Variants in ZNF469 observed in about 807,000 individuals in gnomAD.
ZNF469 encodes zinc finger protein 469.
ZNF469 carries 1 observed loss-of-function variant against 1.0 expected under a neutral mutation model. The observed-to-expected ratio is 1.00, with a 90% confidence interval of 0.35 to 4.73. The LOEUF (loss-of-function observed/expected upper bound fraction) is 4.73. ZNF469 is among the 30% of genes most tolerant of loss of function. ZNF469 has a pLI of 0.16. For synonymous variants in ZNF469, 2,703 were observed against 2,363.4 expected (o/e 1.14, Z -4.17); for missense variants, 6,100 against 5,356.3 (o/e 1.14, Z -4.33).
Position 88,430,401 on chromosome 16 carries a change from C to T in ZNF469, c.2931C>T (p.Gly977=), listed in dbSNP as rs539527724. 799 of 1,520,578 alleles carry T rather than the reference C, an allele frequency of 5.3e-4. 6 individuals are homozygous for T. The African/African-American group carries it at 8.8e-3, about 17-fold the overall frequency. 94.2% of individuals were successfully genotyped at this position (1,520,578 alleles called of 1,614,324 possible). ...CGGGCGGCGGCGGCAGAGCCTCCGG[C>T]CTGAGGCCCCGGAGGAACGACGGTC... is the stretch of plus-strand genomic sequence containing the variant. ...SGSGGGGRAS[G]LRPRRNDGLG... The change falls in exon 3 of 3, where the codon GGC becomes GGT. Residue 977 remains glycine (G), a synonymous_variant. Coordinates refer to ENST00000565624, the MANE Select transcript of ZNF469 (RefSeq NM_001367624.2).
At chr16:88,273,994 G>A in the ZNF469 span, among the ~76,000 whole-genome samples, 43,653 of 151,818 alleles carry the variant, frequency 0.29, 6,939 homozygotes, top group Middle Eastern at 0.36. Flanking sequence ...TAGTAGAGAC[G>A]GGGTTTCACC....
Position 88,436,392 on chromosome 16 carries a change from G to T in ZNF469, c.8922G>T (p.Leu2974=). ...GCAGGGAAGCTGGTGCAGAGAAGCT[G>T]CCCTCCCACTGCCCCGAGGACGATC... ...EPSREAGAEK[L]PSHCPEDDRP... is the part of the protein sequence containing the mutation. Residue 2974 remains leucine, a synonymous_variant, in exon 3 of 3, where the codon CTG becomes CTT. Coordinates refer to ENST00000565624, the MANE Select transcript of ZNF469 (RefSeq NM_001367624.2). The T allele has an allele frequency of 6.5e-7, 1 of 1,549,932 alleles. No homozygotes were observed.
chr16:88,280,415 C>A, the ZNF469 span, among the ~76,000 whole-genome samples: 2 of 151,994 alleles, frequency 1.3e-5, no homozygotes, highest in Non-Finnish European at 2.9e-5. Flanking sequence ...TAGTCAGTAC[C>A]TTGCACAGGT....
the ZNF469 span, among the ~76,000 whole-genome samples, chr16:88,355,120 C>G: frequency 6.6e-6 from 1 of 152,180 alleles, no homozygotes; most frequent in African/African-American, 2.4e-5. Context: ...GGGCAGAACA[C>G]TGGGCACCTG....
At position 88,439,592 on chromosome 16, in the gene ZNF469, T is replaced by A. The variant is rs1906860711; in HGVS notation, c.*260T>A. The A allele has an allele frequency of 1.9e-6, 1 of 516,192 alleles. No homozygotes were observed. The highest frequency in any genetic ancestry group is 2.1e-5 in the South Asian group (1 of 48,532). The allele number at this position is 516,192 out of a possible 1,614,324, so 32.0% of individuals were successfully genotyped here. On this transcript the variant is annotated 3_prime_UTR_variant, in exon 3 of 3. Coordinates refer to ENST00000565624, the MANE Select transcript of ZNF469 (RefSeq NM_001367624.2). Reference sequence around the variant, plus strand: ...TGAGACCACACAGCTGTTTTCTTGGTACCAAGTACTTGAAGAGACAGCAGC... The same window carrying A: ...TGAGACCACACAGCTGTTTTCTTGGAACCAAGTACTTGAAGAGACAGCAGC...
At chr16:88,332,864 C>T in the ZNF469 span, among the ~76,000 whole-genome samples, 4 of 152,352 alleles carry the variant, frequency 2.6e-5, no homozygotes, top group Admixed American at 2.6e-4. Flanking sequence ...AAGACCAAGG[C>T]CCCGGGTTGC....
the ZNF469 span, among the ~76,000 whole-genome samples, chr16:88,282,746 G>C: frequency 0.24 from 36,221 of 152,092 alleles, 5,035 homozygotes; most frequent in East Asian, 0.43. Flanking sequence ...ACCCGTAAAG[G>C]GTCATCCCTG....
At chr16:88,299,768 C>T in the ZNF469 span, among the ~76,000 whole-genome samples, 1 of 152,224 alleles carries the variant, frequency 6.6e-6, no homozygotes, top group Admixed American at 6.5e-5. Context: ...CTCTCATCCA[C>T]TTCCCTGGGC....
the ZNF469 span, among the ~76,000 whole-genome samples, chr16:88,132,412 GCGC>G: frequency 6.3e-5 from 9 of 141,822 alleles, no homozygotes; most frequent in Non-Finnish European, 1.3e-4. Flanking sequence ...CCCACCCAGA[GCGC>G]CGCGTAGCCG....
the ZNF469 span, among the ~76,000 whole-genome samples, chr16:88,241,588 G>A: frequency 6.6e-6 from 1 of 152,110 alleles, no homozygotes; most frequent in East Asian, 1.9e-4. The surrounding 1 kb of genome is among the most constrained non-coding windows in gnomAD (Gnocchi z 4.8). Flanking sequence ...GACAGGCTCA[G>A]GGTCCTGGCA....
At chr16:88,118,179 G>T in the ZNF469 span, among the ~76,000 whole-genome samples, 1 of 152,228 alleles carries the variant, frequency 6.6e-6, no homozygotes, top group African/African-American at 2.4e-5. Context: ...CTGACCTCAG[G>T]TGATCTGCCC....
At chr16:88,266,984 G>T in the ZNF469 span, among the ~76,000 whole-genome samples, 4 of 152,268 alleles carry the variant, frequency 2.6e-5, no homozygotes, top group Non-Finnish European at 1.5e-5. Context: ...AACCAGGGGG[G>T]CCCTGGAGCA....
At chr16:88,350,104 G>A in the ZNF469 span, among the ~76,000 whole-genome samples, 3 of 152,062 alleles carry the variant, frequency 2.0e-5, no homozygotes, top group Non-Finnish European at 2.9e-5. Context: ...AGTTCCTCCC[G>A]CCCCCCTTGG....
rs1390643542 is a variant in ZNF469, at chr16:88,429,390, C to T, written c.1920C>T (p.His640=). The T allele has an allele frequency of 4.5e-6, 7 of 1,548,784 alleles. No homozygotes were observed. The Admixed American group carries it at 9.8e-5, about 22-fold the overall frequency. ...GPSAFFHPPT[H]PQETGSPFPS... ...CGGCCTTCTTCCACCCACCCACTCA[C>T]CCCCAGGAGACGGGCAGCCCCTTCC... Residue 640 remains histidine, a synonymous_variant, in exon 3 of 3, where the codon CAC becomes CAT. Coordinates refer to ENST00000565624, the MANE Select transcript of ZNF469 (RefSeq NM_001367624.2).
At chr16:88,409,051 G>A (rs1391571127) in intron 1 of ZNF469, among the ~76,000 whole-genome samples, 1 of 152,210 alleles carries the variant, frequency 6.6e-6, no homozygotes, top group African/African-American at 2.4e-5. Context: ...ATGGGGCTGG[G>A]GCTGGGGCTG....
the ZNF469 span, among the ~76,000 whole-genome samples, chr16:88,243,911 C>CATATATATATATATATATATAT: frequency 3.8e-5 from 1 of 26,274 alleles, no homozygotes; most frequent in Non-Finnish European, 9.7e-5. Context: ...TGGCTGGATG[C>CATATATATATATATATATATAT]ATATATATAT....
chr16:88,215,383 A>ACTTTTTTTTTTTTTTT, the ZNF469 span, among the ~76,000 whole-genome samples: 4 of 94,188 alleles, frequency 4.2e-5, no homozygotes, highest in African/African-American at 4.4e-5. Flanking sequence ...TTGCCTTTTA[A>ACTTTTTTTTTTTTTTT]TTTTTTTTTT....
chr16:88,296,515 TCC>T, the ZNF469 span, among the ~76,000 whole-genome samples: 4 of 134,348 alleles, frequency 3.0e-5, no homozygotes, highest in South Asian at 2.4e-4. Flanking sequence ...AAGCTCACCC[TCC>T]CCACACACAC....
chr16:88,194,193 T>C, the ZNF469 span: 3 of 152,248 alleles, frequency 2.0e-5, no homozygotes, highest in Non-Finnish European at 4.4e-5. Flanking sequence ...GGCCTGGAGA[T>C]GGCACAGCCT....
Sources: gnomAD v4.1 joint callset for allele counts (sites outside exome capture counted in the v4.1 genomes callset) on GRCh38, gnomAD v4.1.1 for gene constraint, Gnocchi (gnomAD v3.1) non-coding constraint, MANE v1.5 for transcripts, NCBI Gene and HGNC (gene_info 2026-07-23, HGNC 2026-07-21) for gene names.